The following PITPNB variants were observed in gnomAD, a reference collection of about 807,000 sequenced individuals.
PITPNB encodes phosphatidylinositol transfer protein beta.
Under a neutral mutation model 45.9 loss-of-function variants are expected in PITPNB, and 16 were observed. The ratio of observed to expected loss-of-function variants is 0.35; its 90% confidence interval spans 0.24 to 0.53. The LOEUF is 0.53. Among genes scored for constraint, PITPNB ranks in the 20% least tolerant of loss-of-function variants. PITPNB has a pLI of 0.93. For missense variants in PITPNB, 188 were observed against 330.5 expected (o/e 0.57, Z 3.34); for synonymous variants, 112 against 108.9 (o/e 1.03, Z -0.18).
chr22:27,866,440 A>AGT (rs989828063), intron 8 of PITPNB, among the ~76,000 whole-genome samples: 26 of 152,230 alleles, frequency 1.7e-4, no homozygotes, highest in African/African-American at 5.5e-4. Context: ...AACAAAACAC[A>AGT]GTGTGTTTAA....
At chr22:27,885,693 G>C (rs999992014) in intron 7 of PITPNB, among the ~76,000 whole-genome samples, 1 of 151,954 alleles carries the variant, frequency 6.6e-6, no homozygotes, top group African/African-American at 2.4e-5. Context: ...TAGAATTTAA[G>C]GCATATAATA....
chr22:27,861,156 TC>T (rs1199966736), intron 8 of PITPNB, among the ~76,000 whole-genome samples: 2 of 148,856 alleles, frequency 1.3e-5, no homozygotes, highest in African/African-American at 4.9e-5. Flanking sequence ...CATGGTGAAA[TC>T]CCGTCTCTAC....
intron 7 of PITPNB, among the ~76,000 whole-genome samples, chr22:27,875,783 CAGATAA>C (rs1199012299): frequency 6.6e-6 from 1 of 152,002 alleles, no homozygotes; most frequent in African/African-American, 2.4e-5. Flanking sequence ...TTCAAGGAAA[CAGATAA>C]AGTAAAAGAG....
At chr22:27,912,815 CTAAT>C (rs921166330) in intron 2 of PITPNB, among the ~76,000 whole-genome samples, 1 of 151,590 alleles carries the variant, frequency 6.6e-6, no homozygotes, top group African/African-American at 2.4e-5. Context: ...AACCCGGTCT[CTAAT>C]AAATATACAA....
chr22:27,868,596 T>C (rs1172743516), intron 8 of PITPNB, among the ~76,000 whole-genome samples: 1 of 152,064 alleles, frequency 6.6e-6, no homozygotes, highest in Admixed American at 6.6e-5. Flanking sequence ...AGCTAAACAG[T>C]ATGAAAAACT....
At chr22:27,859,419 T>C (rs1934255800) in intron 9 of PITPNB, among the ~76,000 whole-genome samples, 1 of 152,150 alleles carries the variant, frequency 6.6e-6, no homozygotes, top group Admixed American at 6.5e-5. Context: ...ATCTGAGATA[T>C]AATGAGGGCT....
rs185076189 is a variant in PITPNB, at chr22:27,908,608, G to C, written c.197+2356C>G. On this transcript the variant is annotated intron_variant, in intron 3 of 11. Coordinates refer to ENST00000335272, the MANE Select transcript of PITPNB (RefSeq NM_012399.5). Reference sequence around the variant, plus strand: ...AGGAAGAGTCCAGTGTCTTTAAGAGGAACTTTTATATGTGGTGGGGTATAC... The same window carrying C: ...AGGAAGAGTCCAGTGTCTTTAAGAGCAACTTTTATATGTGGTGGGGTATAC... Among the ~76,000 whole-genome samples, 15 of 152,042 alleles carry C rather than the reference G, an allele frequency of 9.9e-5. No individual in the cohort carries two copies. The East Asian group carries it at 1.2e-3, about 12-fold the overall frequency.
intron 7 of PITPNB, among the ~76,000 whole-genome samples, chr22:27,890,036 C>T (rs17389267): frequency 0.066 from 10,074 of 152,084 alleles, 376 homozygotes; most frequent in Non-Finnish European, 0.084. Context: ...AACAATGGGG[C>T]GGAAATTAAA....
chr22:27,911,195 T>C (rs2146427200), intron 2 of PITPNB, 86 bp from the exon 3 acceptor site: 1 of 919,640 alleles, frequency 1.1e-6, no homozygotes, highest in Non-Finnish European at 1.7e-6. Flanking sequence ...ATATAGATGA[T>C]ATAGAAAAGC....
At chr22:27,874,096 A>G (rs1272123795) in intron 7 of PITPNB, among the ~76,000 whole-genome samples, 1 of 152,234 alleles carries the variant, frequency 6.6e-6, no homozygotes, top group Non-Finnish European at 1.5e-5. Flanking sequence ...GCTGTCTCCA[A>G]TAACAAATCT....
intron 10 of PITPNB, 57 bp downstream of exon 10, chr22:27,858,330 G>GTA: frequency 7.5e-7 from 1 of 1,328,694 alleles, no homozygotes; most frequent in Non-Finnish European, 1.1e-6. Context: ...TACCAAGCAT[G>GTA]TATACAGTTT....
intron 8 of PITPNB, among the ~76,000 whole-genome samples, chr22:27,861,024 GAAAAA>G (rs35013749): frequency 6.9e-5 from 4 of 57,816 alleles, no homozygotes; most frequent in African/African-American, 2.7e-4. Context: ...CCCATTTCTG[GAAAAA>G]AAAAAAAAAA....
chr22:27,898,553 T>C (rs1295575952), intron 3 of PITPNB, among the ~76,000 whole-genome samples: 1 of 152,078 alleles, frequency 6.6e-6, no homozygotes, highest in Non-Finnish European at 1.5e-5. Context: ...AAGAGTTAGA[T>C]GACATTATAC....
intron 7 of PITPNB, among the ~76,000 whole-genome samples, chr22:27,876,059 CACCCAAGCTCCTTCATTTG>C (rs1934811839): frequency 6.6e-6 from 1 of 152,074 alleles, no homozygotes. Context: ...CCTTAAAGAC[CACCCAAGCTCCTTCATTTG>C]ACAGATGCTA....
At chr22:27,897,987 G>T in intron 3 of PITPNB, 95 bp from the exon 4 acceptor site, 1 of 828,274 alleles carries the variant, frequency 1.2e-6, no homozygotes, top group South Asian at 1.4e-5. Context: ...AATCAAAGGT[G>T]ACCAGGTTCT....
In PITPNB at chr22:27,866,405, A is replaced by C. The variant is rs1358407022; in HGVS notation, c.535-6164T>G. On this transcript the variant is annotated intron_variant, in intron 8 of 11. Transcript: ENST00000335272. Reference sequence around the variant, plus strand: ...GATGAGGTCTTAGGGGGAGTAATGTATACTAGAGGCACACAATGTAACTAA... The same window carrying C: ...GATGAGGTCTTAGGGGGAGTAATGTCTACTAGAGGCACACAATGTAACTAA... Among the ~76,000 whole-genome samples, 3 of 152,236 alleles carry C rather than the reference A, an allele frequency of 2.0e-5. No homozygotes were observed. In the East Asian group the frequency reaches 5.8e-4, roughly 29 times the overall value.
chr22:27,860,027 T>C, intron 9 of PITPNB, 104 bp downstream of exon 9: 1 of 658,028 alleles, frequency 1.5e-6, no homozygotes, highest in Non-Finnish European at 2.7e-6. Context: ...ATAATTTTCA[T>C]ATCATAAAGG....
chr22:27,909,543 CCTCA>C (rs1006378614), intron 3 of PITPNB, among the ~76,000 whole-genome samples: 1 of 152,060 alleles, frequency 6.6e-6, no homozygotes, highest in African/African-American at 2.4e-5. Flanking sequence ...AGACATTCAA[CCTCA>C]CTAATAAAGA....
intron 8 of PITPNB, among the ~76,000 whole-genome samples, chr22:27,871,599 G>T (rs1055679302): frequency 1.3e-5 from 2 of 152,158 alleles, no homozygotes; most frequent in African/African-American, 4.8e-5. Context: ...AACTAAGATT[G>T]AGTTCTAAAG....
Sources: gnomAD v4.1 joint callset for allele counts (sites outside exome capture counted in the v4.1 genomes callset) on GRCh38, gnomAD v4.1.1 for gene constraint, MANE v1.5 for transcripts, NCBI Gene and HGNC (gene_info 2026-07-23, HGNC 2026-07-21) for gene names.